DYNC1I1: variants seen among roughly 807,000 people sequenced by gnomAD.
The protein encoded by DYNC1I1 is dynein cytoplasmic 1 intermediate chain 1.
Under a neutral mutation model 86.6 loss-of-function variants are expected in DYNC1I1, and 43 were observed. The ratio of observed to expected loss-of-function variants is 0.50; its 90% CI spans 0.39 to 0.64. The LOEUF is 0.64. Among genes scored for constraint, DYNC1I1 ranks in the 30% least tolerant of loss-of-function variants. DYNC1I1 has a pLI of 0.00. For synonymous variants in DYNC1I1, 262 were observed against 283.7 expected (o/e 0.92, Z 0.77); for missense variants, 604 against 788.8 (o/e 0.77, Z 2.81).
chr7:96,049,117 G>T (rs986680099), intron 14 of DYNC1I1, among the ~76,000 whole-genome samples: 1 of 152,002 alleles, frequency 6.6e-6, no homozygotes, highest in Non-Finnish European at 1.5e-5. Flanking sequence ...AATTAGCTGG[G>T]CATGGTGGCG....
At chr7:95,975,985 T>C (rs926342704) in intron 6 of DYNC1I1, among the ~76,000 whole-genome samples, 5 of 152,242 alleles carry the variant, frequency 3.3e-5, no homozygotes, top group Admixed American at 3.3e-4. Context: ...TGTGAAGAGA[T>C]AGCATTAATA....
intron 1 of DYNC1I1, among the ~76,000 whole-genome samples, chr7:95,785,791 ATATATATATATATATATATATATATAT>A (rs1240927274): frequency 8.5e-6 from 1 of 117,540 alleles, no homozygotes; most frequent in Non-Finnish European, 1.6e-5. Context: ...ATATATATAT[ATATATATATATATATATATATATATAT>A]TATATATAAC....
intron 14 of DYNC1I1, among the ~76,000 whole-genome samples, chr7:96,055,370 G>T (rs1286920393): frequency 6.6e-6 from 1 of 151,938 alleles, no homozygotes; most frequent in Non-Finnish European, 1.5e-5. Flanking sequence ...TAACAAACCT[G>T]CATGTTCTGC....
intron 5 of DYNC1I1, among the ~76,000 whole-genome samples, chr7:95,855,953 T>C (rs978846553): frequency 6.6e-6 from 1 of 152,222 alleles, no homozygotes; most frequent in African/African-American, 2.4e-5. Flanking sequence ...ACTTAGGCTG[T>C]ACTAAATTTA....
At chr7:95,793,888 C>T (rs1293258911) in intron 1 of DYNC1I1, among the ~76,000 whole-genome samples, 1 of 152,206 alleles carries the variant, frequency 6.6e-6, no homozygotes, top group Admixed American at 6.5e-5. Context: ...CTGTGTGATG[C>T]TCTATGGAGG....
In DYNC1I1 at chr7:95,869,956, T is replaced by C. The variant is rs1389339925; in HGVS notation, c.448T>C (p.Ser150Pro). 1.2e-6 allele frequency: 2 copies of C among 1,613,968 alleles called. No individual in the cohort carries two copies. The highest frequency in any genetic ancestry group is 1.7e-6 in the Non-Finnish European group (2 of 1,179,986). The change falls in exon 6 of 17, where the codon TCA becomes CCA. Residue 150 changes from serine (S) to proline (P), a missense_variant. Coordinates refer to ENST00000447467, the MANE Select transcript of DYNC1I1 (RefSeq NM_001135556.2). ...CCTGCCAAGGGAAGTAGTGTCCTAC[T>C]CAAAGGAGACCCAGACTCCTCTTGC... ...DFLPREVVSY[S>P]KETQTPLATH...
chr7:95,934,389 G>A lies in DYNC1I1; in HGVS notation c.491-43123G>A, dbSNP rs529044811. Among the ~76,000 whole-genome samples, 11 of 152,250 alleles carry A rather than the reference G, an allele frequency of 7.2e-5. No homozygotes were observed. The South Asian group carries it at 2.3e-3, about 32-fold the overall frequency. On this transcript the variant is annotated intron_variant, in intron 6 of 16. Coordinates refer to ENST00000447467, the MANE Select transcript of DYNC1I1 (RefSeq NM_001135556.2). ...GAAACAAAACATGATCAACATATAAGTGGGAATTTTTTCTTAGTAATTCAA... is the reference window on the plus strand; with the variant it reads ...GAAACAAAACATGATCAACATATAAATGGGAATTTTTTCTTAGTAATTCAA...
At chr7:95,908,433 G>A (rs935417841) in intron 6 of DYNC1I1, among the ~76,000 whole-genome samples, 1 of 152,126 alleles carries the variant, frequency 6.6e-6, no homozygotes, top group Non-Finnish European at 1.5e-5. Flanking sequence ...CATGAAAAGA[G>A]TTTTGAGGAA....
At chr7:95,812,708 G>T (rs1794856323) in intron 3 of DYNC1I1, among the ~76,000 whole-genome samples, 2 of 152,080 alleles carry the variant, frequency 1.3e-5, no homozygotes, top group African/African-American at 2.4e-5. Flanking sequence ...TGTCACTTAG[G>T]CTCTCATGGC....
At chr7:95,834,775 T>G (rs1275978164) in intron 5 of DYNC1I1, among the ~76,000 whole-genome samples, 1 of 124,998 alleles carries the variant, frequency 8.0e-6, no homozygotes, top group Non-Finnish European at 1.6e-5. Flanking sequence ...GTTTGTAGTA[T>G]TCTCTGATGG....
intron 6 of DYNC1I1, among the ~76,000 whole-genome samples, chr7:95,886,434 A>G (rs557602586): frequency 4.7e-4 from 71 of 152,214 alleles, no homozygotes; most frequent in Non-Finnish European, 9.1e-4. Flanking sequence ...ACCTGTCTCA[A>G]AAAAATAAAG....
intron 6 of DYNC1I1, among the ~76,000 whole-genome samples, chr7:95,957,159 A>G (rs1466091041): frequency 6.6e-6 from 1 of 152,186 alleles, no homozygotes; most frequent in Non-Finnish European, 1.5e-5. Context: ...TTCACTATGA[A>G]ATGAGGCTAA....
intron 6 of DYNC1I1, among the ~76,000 whole-genome samples, chr7:95,970,950 C>T (rs1793153321): frequency 6.6e-6 from 1 of 152,084 alleles, no homozygotes; most frequent in Non-Finnish European, 1.5e-5. Context: ...AGATTCAAGA[C>T]AGATGCTGGA....
chr7:96,085,943 A>T (rs555447465), intron 16 of DYNC1I1, among the ~76,000 whole-genome samples: 2 of 148,696 alleles, frequency 1.3e-5, no homozygotes, highest in South Asian at 4.7e-4. Flanking sequence ...TTTTTTTCAA[A>T]TGATGTATGA....
At chr7:95,792,687 C>T (rs532573029) in intron 1 of DYNC1I1, among the ~76,000 whole-genome samples, 1 of 151,268 alleles carries the variant, frequency 6.6e-6, no homozygotes, top group Non-Finnish European at 1.5e-5. Context: ...TTTTCTCCTT[C>T]TAATCTGTCT....
intron 1 of DYNC1I1, among the ~76,000 whole-genome samples, chr7:95,780,555 G>A (rs962540049): frequency 6.6e-6 from 1 of 151,802 alleles, no homozygotes; most frequent in East Asian, 1.9e-4. Flanking sequence ...TGGGATTACA[G>A]GTGTGAGCCA....
intron 6 of DYNC1I1, among the ~76,000 whole-genome samples, chr7:95,902,439 A>G (rs1791063259): frequency 6.6e-6 from 1 of 152,192 alleles, no homozygotes; most frequent in African/African-American, 2.4e-5. Flanking sequence ...TGTTAGCATG[A>G]TGTTCTACAG....
chr7:95,917,010 G>GT (rs1372428578), intron 6 of DYNC1I1, among the ~76,000 whole-genome samples: 1 of 152,196 alleles, frequency 6.6e-6, no homozygotes, highest in African/African-American at 2.4e-5. Flanking sequence ...GTAAGGATGA[G>GT]TATGGTAGTT....
At chr7:95,927,907 C>G (rs1345934861) in intron 6 of DYNC1I1, among the ~76,000 whole-genome samples, 2 of 152,252 alleles carry the variant, frequency 1.3e-5, no homozygotes, top group South Asian at 2.1e-4. Context: ...TTCACCAAAC[C>G]ACCGCATAAT....
Sources: allele counts gnomAD v4.1 joint callset (sites outside exome capture counted in the v4.1 genomes callset), GRCh38; gene constraint gnomAD v4.1.1; transcripts MANE v1.5; gene names NCBI Gene and HGNC (gene_info 2026-07-23, HGNC 2026-07-21).